Variants in HTT observed in about 807,000 individuals in gnomAD.
HTT encodes huntington disease protein.
HTT carries 104 observed loss-of-function variants against 362.3 expected under a neutral mutation model. That is an observed-to-expected ratio of 0.29 (90% CI 0.24 to 0.34). The LOEUF is 0.34. HTT is among the 10% of genes least tolerant of loss of function. The pLI is 1.00. For missense variants in HTT, 3,301 were observed against 3,928.6 expected (o/e 0.84, Z 4.27); for synonymous variants, 1,577 against 1,548.7 (o/e 1.02, Z -0.43).
chr4:3,193,565 C>T (rs898569131), intron 40 of HTT, among the ~76,000 whole-genome samples: 2 of 152,102 alleles, frequency 1.3e-5, no homozygotes, highest in African/African-American at 4.8e-5. Flanking sequence ...TGTCTTATTG[C>T]GCTGATTTCC....
intron 6 of HTT, among the ~76,000 whole-genome samples, chr4:3,114,304 C>T (rs1714913908): frequency 6.6e-6 from 1 of 152,186 alleles, no homozygotes; most frequent in Admixed American, 6.5e-5. Flanking sequence ...CCAGTGTGGG[C>T]ATTAGGGCCA....
Position 3,157,132 on chromosome 4 carries a change from G to GT in HTT, c.3689dup (p.Tyr1231LeufsTer11), listed in dbSNP as rs1344009417. 6.2e-7 allele frequency: 1 copy of GT among 1,613,194 alleles called. No homozygotes were observed. Among genetic ancestry groups the GT allele is most frequent in the Non-Finnish European group, 8.5e-7 (1 of 1,179,218 alleles). ...ACAAGTAAATCCTCATCACTGGGGA[G>GT]TTTCTATCATCTTCCTTCATACCTC... On this transcript the variant is annotated frameshift_variant, in exon 28 of 67. Coordinates refer to ENST00000355072, the MANE Select transcript of HTT (RefSeq NM_001388492.1). LOFTEE classifies it high-confidence loss of function.
intron 21 of HTT, among the ~76,000 whole-genome samples, chr4:3,137,938 CTG>C (rs1279789364): frequency 1.3e-5 from 2 of 152,186 alleles, no homozygotes; most frequent in African/African-American, 4.8e-5. Flanking sequence ...AATTATGGTA[CTG>C]TGAACATTTG....
Position 3,235,705 on chromosome 4 carries a change from G to A in HTT, c.8712G>A (p.Val2904=). ...LDAESLVKLS[V]DRVNVHSPHR... ...CAGAATCGCTGGTCAAGCTGAGTGTGGACAGAGTGAACGTGCACAGCCCGC... is the reference window on the plus strand; with the variant it reads ...CAGAATCGCTGGTCAAGCTGAGTGTAGACAGAGTGAACGTGCACAGCCCGC... The change falls in exon 63 of 67, where the codon GTG becomes GTA. Residue 2904 remains valine, a synonymous_variant. Transcript: ENST00000355072. 1 of 1,613,226 alleles carries A rather than the reference G, an allele frequency of 6.2e-7. No homozygotes were observed. Among genetic ancestry groups the A allele is most frequent in the Non-Finnish European group, 8.5e-7 (1 of 1,180,026 alleles).
chr4:3,137,230 TC>T (rs1286426820), intron 21 of HTT, among the ~76,000 whole-genome samples: 2 of 152,094 alleles, frequency 1.3e-5, no homozygotes, highest in African/African-American at 4.8e-5. Flanking sequence ...AAACAAATCT[TC>T]TAATAGCTTT....
In HTT at chr4:3,231,992, C is replaced by T. The variant is rs1042337020; in HGVS notation, c.8266-1171C>T. On this transcript the variant is annotated intron_variant, in intron 60 of 66. Coordinates refer to ENST00000355072, the MANE Select transcript of HTT (RefSeq NM_001388492.1). ...CCATCCTCTGTGAAGGTTTTCAGCG[C>T]GTCATGCTTGGTACCCACGTATCCA... Among the ~76,000 whole-genome samples, 15 of 152,272 alleles carry T rather than the reference C, an allele frequency of 9.9e-5. No homozygotes were observed. In the South Asian group the frequency reaches 2.3e-3, roughly 23 times the overall value.
At position 3,130,385 on chromosome 4, in the gene HTT, A is replaced by C; in HGVS notation, c.1948A>C (p.Arg650=). ...CAGCAGTGTTGATAAATTTGTGTTG[A>C]GAGATGAAGCTACTGAACCGGGTGA... ...SDSSVDKFVL[R]DEATEPGDQE... Residue 650 remains arginine (R), a synonymous_variant, in exon 14 of 67, where the codon AGA becomes CGA. Transcript: ENST00000355072. The C allele has an allele frequency of 6.2e-7, 1 of 1,608,818 alleles. No individual in the cohort carries two copies. The highest frequency in any genetic ancestry group is 8.5e-7 in the Non-Finnish European group (1 of 1,176,600).
chr4:3,211,750 T>C (rs1720170730), intron 47 of HTT, among the ~76,000 whole-genome samples, 179 bp from the exon 48 acceptor site: 1 of 152,246 alleles, frequency 6.6e-6, no homozygotes, highest in Non-Finnish European at 1.5e-5. Context: ...AATGAAATTG[T>C]TCAAATATTT....
intron 5 of HTT, among the ~76,000 whole-genome samples, chr4:3,106,478 C>G (rs1429003556): frequency 6.6e-6 from 1 of 152,176 alleles, no homozygotes; most frequent in Non-Finnish European, 1.5e-5. Flanking sequence ...ATTTCTGAAG[C>G]AACACATCCA....
At chr4:3,161,883 T>G (rs1374664019) in intron 29 of HTT, among the ~76,000 whole-genome samples, 1 of 152,244 alleles carries the variant, frequency 6.6e-6, no homozygotes, top group Non-Finnish European at 1.5e-5. Context: ...GCCTGTTCAC[T>G]CTGATGATAG....
At chr4:3,102,745 A>G (rs937586131) in intron 3 of HTT, among the ~76,000 whole-genome samples, 16 of 152,196 alleles carry the variant, frequency 1.1e-4, no homozygotes, top group East Asian at 1.9e-4. Flanking sequence ...GAAGGCTCCT[A>G]TGGGTGAGAG....
intron 6 of HTT, among the ~76,000 whole-genome samples, chr4:3,113,897 G>A (rs1408754029): frequency 6.6e-6 from 1 of 151,982 alleles, no homozygotes; most frequent in Non-Finnish European, 1.5e-5. Context: ...CAGAGGTGCC[G>A]AGACCAGCTC....
intron 11 of HTT, among the ~76,000 whole-genome samples, chr4:3,126,172 C>T (rs370362478): frequency 3.3e-5 from 5 of 152,190 alleles, no homozygotes; most frequent in African/African-American, 9.6e-5. Flanking sequence ...CCTGCCTCAG[C>T]CTCCCAAGTA....
chr4:3,186,775 T>G, intron 38 of HTT, 56 bp downstream of exon 38: 1 of 1,586,572 alleles, frequency 6.3e-7, no homozygotes, highest in Non-Finnish European at 8.6e-7. Flanking sequence ...CAGGCTCTGA[T>G]TACTGGGACC....
chr4:3,173,118 A>T lies in HTT; in HGVS notation c.4153A>T (p.Asn1385Tyr). 1 of 1,613,812 alleles carries T rather than the reference A, an allele frequency of 6.2e-7. No homozygotes were observed. The highest frequency in any genetic ancestry group is 8.5e-7 in the Non-Finnish European group (1 of 1,179,918). Residue 1385 changes from asparagine to tyrosine, a missense_variant, in exon 31 of 67, where the codon AAC becomes TAC. This residue lies in a region of HTT where 2,316 missense variants were observed against 2,658.5 expected (regional missense o/e 0.87). Coordinates refer to ENST00000355072, the MANE Select transcript of HTT (RefSeq NM_001388492.1). Reference sequence around the variant, plus strand: ...GAACATGGTGCAGGCGGAGCAGGAGAACGACACCTCGGGGTAACAGTTGTG... The same window carrying T: ...GAACATGGTGCAGGCGGAGCAGGAGTACGACACCTCGGGGTAACAGTTGTG... ...LRNMVQAEQE[N>Y]DTSGWFDVLQ...
At chr4:3,088,533 AG>A (rs943407596) in intron 2 of HTT, among the ~76,000 whole-genome samples, 2 of 152,158 alleles carry the variant, frequency 1.3e-5, no homozygotes, top group African/African-American at 4.8e-5. Flanking sequence ...AACCATTTTT[AG>A]GGGTACAGTT....
chr4:3,116,404 G>A (rs1011977602), intron 8 of HTT, 141 bp downstream of exon 8: 1 of 665,698 alleles, frequency 1.5e-6, no homozygotes, highest in East Asian at 2.8e-5. Context: ...AACCCTAGGT[G>A]CTGACCTCTA....
chr4:3,090,012 G>A (rs1713416765), intron 2 of HTT, among the ~76,000 whole-genome samples: 1 of 152,192 alleles, frequency 6.6e-6, no homozygotes, highest in South Asian at 2.1e-4. Flanking sequence ...AGGGATTTCA[G>A]AGTATATAGC....
chr4:3,078,036 G>A (rs567258319), intron 1 of HTT, among the ~76,000 whole-genome samples: 1 of 152,174 alleles, frequency 6.6e-6, no homozygotes, highest in South Asian at 2.1e-4. Flanking sequence ...CCATGCATGG[G>A]CCTCAGTTTA....
Sources: allele counts gnomAD v4.1 joint callset (sites outside exome capture counted in the v4.1 genomes callset), GRCh38; gene constraint gnomAD v4.1.1; regional missense constraint gnomAD v4.1.1; transcripts MANE v1.5; gene names NCBI Gene and HGNC (gene_info 2026-07-23, HGNC 2026-07-21).